ST6GALNAC3: variants seen among roughly 807,000 people sequenced by gnomAD.
ST6GALNAC3 encodes ST6 N-acetylgalactosaminide alpha-2,6-sialyltransferase 3, also known as alpha-N-acetylgalactosaminide alpha-2,6-sialyltransferase 3.
A neutral mutation model predicts 32.7 loss-of-function variants in ST6GALNAC3; 25 were observed. The ratio of observed to expected loss-of-function variants is 0.76; its 90% CI spans 0.56 to 1.07. ST6GALNAC3 has a LOEUF of 1.07. Among genes scored for constraint, ST6GALNAC3 ranks in the 50% least tolerant of loss-of-function variants. The pLI is 0.00. For missense variants in ST6GALNAC3, 355 were observed against 382.4 expected, an observed-to-expected ratio of 0.93 and a Z score of 0.60; for synonymous variants, 129 against 133.1, an observed-to-expected ratio of 0.97 and a Z score of 0.21.
intron 1 of ST6GALNAC3, among the ~76,000 whole-genome samples, chr1:76,142,417 G>A (rs899602301): frequency 6.6e-6 from 1 of 152,146 alleles, no homozygotes; most frequent in Middle Eastern, 3.4e-3. Context: ...CACTTCCTAG[G>A]GTGTTGTCTA....
At chr1:76,281,723 G>A (rs1462573190) in intron 1 of ST6GALNAC3, among the ~76,000 whole-genome samples, 1 of 152,162 alleles carries the variant, frequency 6.6e-6, no homozygotes, top group Non-Finnish European at 1.5e-5. Context: ...TTTGGTCCTT[G>A]GGAAGGTCTC....
intron 3 of ST6GALNAC3, among the ~76,000 whole-genome samples, chr1:76,557,328 T>A (rs1013013457): frequency 1.3e-5 from 2 of 152,112 alleles, no homozygotes; most frequent in Non-Finnish European, 2.9e-5. Flanking sequence ...AACTTTTTTA[T>A]CCTTTCATAG....
rs1183020724 is a variant in ST6GALNAC3 at position 76,105,657 on chromosome 1, A to C, written c.18+30773A>C. ...CACTGAAGTTTAAGAGCATTTCATT[A>C]CAAGTGTGATGATACAATGTGGTAT... On this transcript the variant is annotated intron_variant, in intron 1 of 4. Transcript: ENST00000328299. Among the ~76,000 whole-genome samples the C allele has an allele frequency of 2.6e-5, 4 of 152,204 alleles. No individual in the cohort carries two copies. In the East Asian group the frequency reaches 7.7e-4, roughly 29 times the overall value.
intron 3 of ST6GALNAC3, among the ~76,000 whole-genome samples, chr1:76,568,806 T>A (rs1372231904): frequency 1.3e-5 from 2 of 152,180 alleles, no homozygotes; most frequent in Non-Finnish European, 2.9e-5. Flanking sequence ...ATCCTGGGTG[T>A]GAGTGGAAAT....
At chr1:76,465,013 T>C (rs74333060) in intron 3 of ST6GALNAC3, among the ~76,000 whole-genome samples, 2,580 of 152,274 alleles carry the variant, frequency 0.017, 72 homozygotes, top group African/African-American at 0.056. Flanking sequence ...AATCAGGCGT[T>C]CTATAAATTA....
At chr1:76,494,649 G>GCACACACACACACACACACA (rs35632611) in intron 3 of ST6GALNAC3, among the ~76,000 whole-genome samples, 1 of 67,702 alleles carries the variant, frequency 1.5e-5, no homozygotes, top group African/African-American at 6.5e-5. Flanking sequence ...ATGTGTATGC[G>GCACACACACACACACACACA]CACACACACA....
At chr1:76,420,919 C>T (rs1654988445) in intron 3 of ST6GALNAC3, among the ~76,000 whole-genome samples, 1 of 151,980 alleles carries the variant, frequency 6.6e-6, no homozygotes, top group African/African-American at 2.4e-5. Flanking sequence ...TTATGGACTT[C>T]CTTGTTATAG....
intron 2 of ST6GALNAC3, among the ~76,000 whole-genome samples, chr1:76,409,533 A>G (rs1399296558): frequency 1.4e-5 from 2 of 140,936 alleles, no homozygotes; most frequent in East Asian, 2.0e-4. Flanking sequence ...GCACTTTTTT[A>G]TAGTAGAAAA....
At chr1:76,159,034 G>GGA (rs1265963344) in intron 1 of ST6GALNAC3, among the ~76,000 whole-genome samples, 1 of 152,158 alleles carries the variant, frequency 6.6e-6, no homozygotes, top group African/African-American at 2.4e-5. Flanking sequence ...GGGGTGTGAT[G>GGA]GAGAGGGAGG....
Position 76,457,548 on chromosome 1 carries a change from G to A in ST6GALNAC3, c.623+45131G>A, listed in dbSNP as rs541471880. Among the ~76,000 whole-genome samples, 142 of 151,936 alleles carry A rather than the reference G, an allele frequency of 9.3e-4. 1 individual carries two copies. Among genetic ancestry groups the A allele is most frequent in the Non-Finnish European group, 1.7e-3 (114 of 67,998 alleles). On this transcript the variant is annotated intron_variant, in intron 3 of 4. Coordinates refer to ENST00000328299, the MANE Select transcript of ST6GALNAC3 (RefSeq NM_152996.4). ...TACCAAAACAGAGATATAGATCAATGGAACACAACAGAGCCCTCAGAAATA... is the reference window on the plus strand; with the variant it reads ...TACCAAAACAGAGATATAGATCAATAGAACACAACAGAGCCCTCAGAAATA...
intron 3 of ST6GALNAC3, among the ~76,000 whole-genome samples, chr1:76,576,479 T>TGC (rs1646809665): frequency 6.6e-6 from 1 of 152,054 alleles, no homozygotes; most frequent in East Asian, 1.9e-4. Flanking sequence ...CTATTGCAGT[T>TGC]AGACCAAGGA....
intron 3 of ST6GALNAC3, among the ~76,000 whole-genome samples, chr1:76,529,413 T>A (rs1222204686): frequency 6.6e-6 from 1 of 152,164 alleles, no homozygotes; most frequent in Non-Finnish European, 1.5e-5. Context: ...AAAGGTGAAG[T>A]GCTATATAAG....
At chr1:76,305,263 A>G (rs1220013400) in intron 1 of ST6GALNAC3, among the ~76,000 whole-genome samples, 2 of 152,094 alleles carry the variant, frequency 1.3e-5, no homozygotes, top group Non-Finnish European at 2.9e-5. Flanking sequence ...TCAAGAAAAG[A>G]GTAGTAATGT....
intron 1 of ST6GALNAC3, among the ~76,000 whole-genome samples, chr1:76,079,763 T>G (rs567018659): frequency 4.8e-4 from 73 of 152,322 alleles, no homozygotes; most frequent in Admixed American, 1.4e-3. Context: ...CCACAGTGCA[T>G]CAGTTCTGTC....
chr1:76,339,053 C>T (rs975372299), intron 2 of ST6GALNAC3, among the ~76,000 whole-genome samples: 1 of 152,144 alleles, frequency 6.6e-6, no homozygotes, highest in Admixed American at 6.5e-5. Flanking sequence ...TTCTGATGAA[C>T]CAGCTGTGGT....
chr1:76,524,859 AT>A (rs1417806261), intron 3 of ST6GALNAC3, among the ~76,000 whole-genome samples: 1 of 151,882 alleles, frequency 6.6e-6, no homozygotes, highest in African/African-American at 2.4e-5. Context: ...GTCCCTCTAG[AT>A]TTTATAGTAG....
chr1:76,159,753 A>C (rs1651698371), intron 1 of ST6GALNAC3, among the ~76,000 whole-genome samples: 1 of 152,230 alleles, frequency 6.6e-6, no homozygotes, highest in South Asian at 2.1e-4. Context: ...AAAGATAAAA[A>C]CAAGTGTTTT....
At chr1:76,165,480 A>G (rs1378759472) in intron 1 of ST6GALNAC3, among the ~76,000 whole-genome samples, 2 of 152,230 alleles carry the variant, frequency 1.3e-5, no homozygotes, top group Non-Finnish European at 2.9e-5. Context: ...TAATTAACAT[A>G]CATGTGCATG....
At chr1:76,090,696 A>G (rs1647032501) in intron 1 of ST6GALNAC3, among the ~76,000 whole-genome samples, 2 of 152,108 alleles carry the variant, frequency 1.3e-5, no homozygotes, top group African/African-American at 4.8e-5. Context: ...TAGCTACTCT[A>G]GGGTCTTTTC....
Sources: allele counts gnomAD v4.1 joint callset (sites outside exome capture counted in the v4.1 genomes callset), GRCh38; gene constraint gnomAD v4.1.1; transcripts MANE v1.5; gene names NCBI Gene and HGNC (gene_info 2026-07-23, HGNC 2026-07-21).